Variants in IRS4 observed in about 807,000 individuals in gnomAD.
IRS4 encodes insulin receptor substrate 4, also known as 160 kDa phosphotyrosine protein.
IRS4 carries 15 observed loss-of-function variants against 48.6 expected under a neutral mutation model. The observed-to-expected ratio is 0.31, with a 90% CI of 0.21 to 0.48. The LOEUF (loss-of-function observed/expected upper bound fraction) is 0.48. IRS4 is among the 20% of genes least tolerant of loss of function. The probability of loss-of-function intolerance (pLI) is 0.99; values close to 1 mark genes in which losing one functional copy is unlikely to be tolerated. For synonymous variants in IRS4, 459 were observed against 413.2 expected, an observed-to-expected ratio of 1.11 and a Z score of -1.34; for missense variants, 987 against 1,023.4, an observed-to-expected ratio of 0.96 and a Z score of 0.49.
chrX:108,735,081 A>T lies in IRS4; in HGVS notation c.1264T>A (p.Ser422Thr), dbSNP rs368889548. ...GCCGGCACTGAAACCGCTCTCCTTG[A>T]CCTGCGCCCTCTGGGCAGGTGCAGT... is the stretch of plus-strand genomic sequence containing the variant. ...GRLHLPRGRRSRRAVSVPASF... is the reference protein window; with the variant it reads ...GRLHLPRGRRTRRAVSVPASF... Residue 422 changes from serine (S) to threonine (T), a missense_variant, in exon 1 of 2, where the codon TCA (serine) becomes ACA (threonine). This residue lies in a region of IRS4 where 720 missense variants were observed against 660.3 expected (regional missense o/e 1.09). Transcript: ENST00000372129. The T allele has an allele frequency of 4.1e-5, 49 of 1,209,771 alleles. No individual in the cohort carries two copies. Among genetic ancestry groups the T allele is most frequent in the Non-Finnish European group, 5.4e-5 (48 of 895,218 alleles).
chrX:108,728,259 G>C (rs1263236760), intron 1 of IRS4, among the ~76,000 whole-genome samples: 1 of 111,936 alleles, frequency 8.9e-6, no homozygotes, highest in Non-Finnish European at 1.9e-5. Context: ...AAGAGCCAGG[G>C]CAAACAGTTC....
Position 108,733,341 on chromosome X carries a change from G to A in IRS4, c.3004C>T (p.Leu1002Phe). ...ATAGCATTGCTACCTGTAGCACTGA[G>A]GGGAAGGGGAGGAAGTGGCCACCTA... The part of the protein sequence containing the change: ...SARWPLPPLP[L>F]SATGSNAIEE... The change falls in exon 1 of 2, where the codon CTC becomes TTC. Residue 1002 changes from leucine (L) to phenylalanine (F), a missense_variant. This residue lies in a region of IRS4 where 720 missense variants were observed against 660.3 expected (regional missense o/e 1.09). Coordinates refer to ENST00000372129, the MANE Select transcript of IRS4 (RefSeq NM_001379150.1). 4.1e-6 allele frequency: 5 copies of A among 1,211,894 alleles called. No homozygotes were observed. The highest frequency in any genetic ancestry group is 5.6e-6 in the Non-Finnish European group (5 of 895,505).
In IRS4 at chrX:108,733,483, T is replaced by A; in HGVS notation, c.2862A>T (p.Ser954=). The change falls in exon 1 of 2, where the codon TCA becomes TCT. Residue 954 remains serine, a synonymous_variant. Transcript: ENST00000372129. ...SWGIIAEPRQ[S]AFSNYVNVEF... ...CAACATTCACATAATTAGAAAAGGC[T>A]GACTGTCTGGGTTCAGCAATTATGC... 3 of 1,211,810 alleles carry A rather than the reference T, an allele frequency of 2.5e-6. No individual in the cohort carries two copies. The highest frequency in any genetic ancestry group is 2.2e-6 in the Non-Finnish European group (2 of 895,547).
In IRS4 at chrX:108,734,519, G is replaced by T. The variant is rs766842897; in HGVS notation, c.1826C>A (p.Ser609Tyr). 12 of 1,211,399 alleles carry T rather than the reference G, an allele frequency of 9.9e-6. No individual in the cohort carries two copies. The highest frequency in any genetic ancestry group is 1.3e-5 in the Non-Finnish European group (12 of 895,446). Reference protein sequence around the residue: ...GSDGDGERGKSLKKRSYFGKL... With the variant: ...GSDGDGERGKYLKKRSYFGKL... ...GCCAAAATAGGATCTTTTCTTCAGA[G>T]ATTTTCCACGTTCACCATCACCATC... Residue 609 changes from serine to tyrosine, a missense_variant, in exon 1 of 2, where the codon TCT (serine) becomes TAT (tyrosine). Coordinates refer to ENST00000372129, the MANE Select transcript of IRS4 (RefSeq NM_001379150.1).
chrX:108,735,020 C>T lies in IRS4; in HGVS notation c.1325G>A (p.Arg442His). The stretch of plus-strand genomic sequence containing the variant: ...CGGGGCTTCTGCAGGGTGCCGGGGA[C>T]GTGCTGGGCTGGGTGCTAAGCGGCG... Reference protein sequence around the residue: ...FFRRLAPSPARPRHPAEAPNN... With the variant: ...FFRRLAPSPAHPRHPAEAPNN... Residue 442 changes from arginine to histidine, a missense_variant, in exon 1 of 2, where the codon CGT becomes CAT. Coordinates refer to ENST00000372129, the MANE Select transcript of IRS4 (RefSeq NM_001379150.1). 1 of 1,211,892 alleles carries T rather than the reference C, an allele frequency of 8.3e-7. No individual in the cohort carries two copies. Among genetic ancestry groups the T allele is most frequent in the Non-Finnish European group, 1.1e-6 (1 of 895,551 alleles).
At position 108,735,269 on chromosome X, in the gene IRS4, C is replaced by T. The variant is rs200208971; in HGVS notation, c.1076G>A (p.Arg359Lys). The T allele has an allele frequency of 5.0e-6, 6 of 1,209,846 alleles. No homozygotes were observed. In the Admixed American group the frequency reaches 8.7e-5, roughly 18 times the overall value. ...CTCGAGCGGCACCAAGCCCAGGTGC[C>T]TCCTAGCGGACAGCAGGGTTAACAG... ...AHLLTLLSAR[R>K]HLGLVPLEPG... The change falls in exon 1 of 2, where the codon AGG (arginine) becomes AAG (lysine). Residue 359 changes from arginine (R) to lysine (K), a missense_variant. Arg to Lys is a conservative substitution (Grantham distance 26). Around this residue, in one of 4 missense-constraint regions of IRS4, gnomAD observed 74 missense variants for 100.4 expected, o/e 0.74. Coordinates refer to ENST00000372129, the MANE Select transcript of IRS4 (RefSeq NM_001379150.1).
chrX:108,721,297 C>T lies in IRS4; in HGVS notation c.*1222G>A, dbSNP rs2068855105. The stretch of plus-strand genomic sequence containing the variant: ...CCTTTGTACCTATTCTCTGTGGTCA[C>T]CACCTTGCTAGTGTCACGTTCTCAA... On this transcript the variant is annotated 3_prime_UTR_variant, in exon 2 of 2. Coordinates refer to ENST00000372129, the MANE Select transcript of IRS4 (RefSeq NM_001379150.1). The T allele has an allele frequency of 9.0e-6, 1 of 111,694 alleles. No homozygotes were observed. Among genetic ancestry groups the T allele is most frequent in the Non-Finnish European group, 1.9e-5 (1 of 53,073 alleles). 9.2% of individuals were successfully genotyped at this position (111,694 alleles called of 1,213,427 possible). A position where few individuals can be genotyped will look rare whatever the true frequency, so the allele number is the denominator to read the frequency against.
Position 108,732,792 on chromosome X carries a change from A to G in IRS4, c.3553T>C (p.Ser1185Pro). The G allele has an allele frequency of 1.7e-6, 2 of 1,194,129 alleles. No homozygotes were observed. Among genetic ancestry groups the G allele is most frequent in the Non-Finnish European group, 2.3e-6 (2 of 885,589 alleles). ...GATGGGTTGTGGGCTCCAGGGTTCG[A>G]GCCACCGGCAACGTCTTGGGCTCCC... ...VRGAQDVAGG[S>P]NPGAHNPSAN... The change falls in exon 1 of 2, where the codon TCG (serine) becomes CCG (proline). Residue 1185 changes from serine to proline, a missense_variant. Physicochemically the swap from Ser to Pro is moderately conservative, Grantham distance 74 (BLOSUM62 -1). Around this residue, in one of 4 missense-constraint regions of IRS4, gnomAD observed 720 missense variants for 660.3 expected, o/e 1.09. Coordinates refer to ENST00000372129, the MANE Select transcript of IRS4 (RefSeq NM_001379150.1).
In IRS4 at chrX:108,721,427, T is replaced by C. The variant is rs1306779823; in HGVS notation, c.*1092A>G. 9.0e-6 allele frequency: 1 copy of C among 111,017 alleles called. No homozygotes were observed. The highest frequency in any genetic ancestry group is 3.3e-5 in the African/African-American group (1 of 30,553). 9.1% of individuals were successfully genotyped at this position (111,017 alleles called of 1,213,427 possible). On this transcript the variant is annotated 3_prime_UTR_variant, in exon 2 of 2. Transcript: ENST00000372129. ...TTTTTTTTTAATTTGGTACATCTTA[T>C]ATTGGCTCAATATCCAGAAGGAAAC...
chrX:108,729,263 T>G (rs1296839310), intron 1 of IRS4, among the ~76,000 whole-genome samples: 1 of 98,174 alleles, frequency 1.0e-5, no homozygotes, highest in African/African-American at 3.7e-5. Flanking sequence ...TAACAGTGTC[T>G]AACACTGAAA....
rs1486381076 is a variant in IRS4, at chrX:108,720,251, A to G, written c.*2268T>C. 2.7e-5 allele frequency: 3 copies of G among 112,514 alleles called. No individual in the cohort carries two copies. Among genetic ancestry groups the G allele is most frequent in the Non-Finnish European group, 5.6e-5 (3 of 53,320 alleles). The allele number at this position is 112,514 out of a possible 1,213,427, so 9.3% of individuals were successfully genotyped here. ...CAAATTAAATGTAGAGGTCACACAC[A>G]CAAAAATATTCCATCATTGTTTTTT... On this transcript the variant is annotated 3_prime_UTR_variant, in exon 2 of 2. Coordinates refer to ENST00000372129, the MANE Select transcript of IRS4 (RefSeq NM_001379150.1).
At position 108,720,304 on chromosome X, in the gene IRS4, G is replaced by A. The variant is rs2068851508; in HGVS notation, c.*2215C>T. The A allele has an allele frequency of 8.9e-6, 1 of 112,376 alleles. No homozygotes were observed. Among genetic ancestry groups the A allele is most frequent in the South Asian group, 3.6e-4 (1 of 2,745 alleles). 9.3% of individuals were successfully genotyped at this position (112,376 alleles called of 1,213,427 possible). A position where few individuals can be genotyped will look rare whatever the true frequency, so the allele number is the denominator to read the frequency against. On this transcript the variant is annotated 3_prime_UTR_variant, in exon 2 of 2. Coordinates refer to ENST00000372129, the MANE Select transcript of IRS4 (RefSeq NM_001379150.1). ...TAGCAGCATGAACTGATAGCTGGAAGGTAAGTGATAAGTTGGTAAACATAT... is the reference window on the plus strand; with the variant it reads ...TAGCAGCATGAACTGATAGCTGGAAAGTAAGTGATAAGTTGGTAAACATAT...
intron 1 of IRS4, 80 bp downstream of exon 1, chrX:108,732,499 C>G: frequency 8.3e-7 from 1 of 1,202,556 alleles, no homozygotes; most frequent in Admixed American, 2.2e-5. Flanking sequence ...AATAGTATCC[C>G]TAACACTGTA....
intron 1 of IRS4, among the ~76,000 whole-genome samples, chrX:108,730,607 T>C (rs930382651): frequency 8.9e-6 from 1 of 111,899 alleles, no homozygotes; most frequent in Non-Finnish European, 1.9e-5. Context: ...TCAATAAAGC[T>C]AGGAATTTCC....
chrX:108,736,471 G>A lies in IRS4; in HGVS notation c.-127C>T. Reference sequence around the variant, plus strand: ...CCCTCCTGCCTTGGCCCGCGCCCCCGCCCACTCCACTCTGAGCGCACGACA... The same window carrying A: ...CCCTCCTGCCTTGGCCCGCGCCCCCACCCACTCCACTCTGAGCGCACGACA... On this transcript the variant is annotated 5_prime_UTR_variant, in exon 1 of 2. Transcript: ENST00000372129. The A allele has an allele frequency of 1.9e-6, 2 of 1,052,656 alleles. No individual in the cohort carries two copies. Among genetic ancestry groups the A allele is most frequent in the Non-Finnish European group, 2.6e-6 (2 of 779,392 alleles). 86.8% of individuals were successfully genotyped at this position (1,052,656 alleles called of 1,213,427 possible).
chrX:108,720,801 A>G lies in IRS4; in HGVS notation c.*1718T>C, dbSNP rs1467771436. The G allele has an allele frequency of 2.7e-5, 3 of 112,043 alleles. No individual in the cohort carries two copies. The highest frequency in any genetic ancestry group is 1.9e-4 in the Admixed American group (2 of 10,571). 9.2% of individuals were successfully genotyped at this position (112,043 alleles called of 1,213,427 possible). On this transcript the variant is annotated 3_prime_UTR_variant, in exon 2 of 2. Coordinates refer to ENST00000372129, the MANE Select transcript of IRS4 (RefSeq NM_001379150.1). ...CCTAGCAGTGACCAGTAACTGGAAC[A>G]ATGACTGATCTCATAGCCACGTCCT...
At position 108,734,767 on chromosome X, in the gene IRS4, T is replaced by C; in HGVS notation, c.1578A>G (p.Gly526=). Residue 526 remains glycine (G), a synonymous_variant, in exon 1 of 2, where the codon GGA becomes GGG. Transcript: ENST00000372129. ...SSGGNQCSGE[G]QGSRGGQGSN... is the part of the protein sequence containing the mutation. ...AGCCCTGACCACCTCGGGATCCCTGTCCCTCGCCTGAACACTGGTTTCCTC... is the reference window on the plus strand; with the variant it reads ...AGCCCTGACCACCTCGGGATCCCTGCCCCTCGCCTGAACACTGGTTTCCTC... 1.7e-6 allele frequency: 2 copies of C among 1,211,122 alleles called. No individual in the cohort carries two copies. The highest frequency in any genetic ancestry group is 1.1e-6 in the Non-Finnish European group (1 of 895,328).
At position 108,735,042 on chromosome X, in the gene IRS4, G is replaced by T. The variant is rs1226046846; in HGVS notation, c.1303C>A (p.Arg435Ser). Residue 435 changes from arginine to serine, a missense_variant, in exon 1 of 2, where the codon CGC becomes AGC. Physicochemically the swap from Arg to Ser is moderately radical, Grantham distance 110. Around this residue, in one of 4 missense-constraint regions of IRS4, gnomAD observed 720 missense variants for 660.3 expected, o/e 1.09. Coordinates refer to ENST00000372129, the MANE Select transcript of IRS4 (RefSeq NM_001379150.1). ...AVSVPASFFRRLAPSPARPRH... is the reference protein window; with the variant it reads ...AVSVPASFFRSLAPSPARPRH... Reference sequence around the variant, plus strand: ...GGACGTGCTGGGCTGGGTGCTAAGCGGCGAAAAAAGCTGGCCGGCACTGAA... The same window carrying T: ...GGACGTGCTGGGCTGGGTGCTAAGCTGCGAAAAAAGCTGGCCGGCACTGAA... The T allele has an allele frequency of 1.7e-6, 2 of 1,210,073 alleles. No homozygotes were observed. The highest frequency in any genetic ancestry group is 1.7e-5 in the African/African-American group (1 of 57,155).
At chrX:108,726,802 T>A (rs2068878502) in intron 1 of IRS4, 1 of 112,179 alleles carries the variant, frequency 8.9e-6, no homozygotes, top group African/African-American at 3.2e-5. Context: ...CATATTGTGA[T>A]CAATCCAACC....
Sources: allele counts gnomAD v4.1 joint callset (sites outside exome capture counted in the v4.1 genomes callset), GRCh38; gene constraint gnomAD v4.1.1; regional missense constraint gnomAD v4.1.1; transcripts MANE v1.5; gene names NCBI Gene and HGNC (gene_info 2026-07-23, HGNC 2026-07-21).